GSG1L: variants seen among roughly 807,000 people sequenced by gnomAD.
GSG1L encodes germ cell-specific gene 1-like protein.
GSG1L carries 24 observed loss-of-function variants against 42.1 expected under a neutral mutation model. The observed-to-expected ratio is 0.57, with a 90% confidence interval of 0.41 to 0.80. The LOEUF (loss-of-function observed/expected upper bound fraction) is 0.80, where lower values mean the gene tolerates loss of function less well. Among genes scored for constraint, GSG1L ranks in the 30% least tolerant of loss-of-function variants. The pLI is 0.00. For missense variants in GSG1L, 445 were observed against 472.2 expected (o/e 0.94, Z 0.53); for synonymous variants, 215 against 203.5 (o/e 1.06, Z -0.48).
chr16:27,792,193 T>A (rs1030241436), intron 6 of GSG1L, among the ~76,000 whole-genome samples: 2 of 152,140 alleles, frequency 1.3e-5, no homozygotes, highest in African/African-American at 2.4e-5. Flanking sequence ...TTATATGTGT[T>A]CAGGAGCTGT....
chr16:27,910,859 C>T (rs1206993722), intron 2 of GSG1L, among the ~76,000 whole-genome samples: 2 of 151,962 alleles, frequency 1.3e-5, no homozygotes, highest in African/African-American at 4.8e-5. Context: ...ACAAAAATAC[C>T]AAAACTTGCC....
intron 2 of GSG1L, among the ~76,000 whole-genome samples, chr16:27,901,857 C>G (rs532473760): frequency 6.6e-6 from 1 of 152,372 alleles, no homozygotes; most frequent in African/African-American, 2.4e-5. Flanking sequence ...TCCCTCCACA[C>G]TCCAGCCTCA....
intron 1 of GSG1L, among the ~76,000 whole-genome samples, chr16:27,973,957 A>C (rs1007508152): frequency 2.0e-5 from 3 of 152,062 alleles, no homozygotes; most frequent in African/African-American, 7.2e-5. Flanking sequence ...ATGCCCATCA[A>C]TGTTGCCTGG....
intron 2 of GSG1L, among the ~76,000 whole-genome samples, chr16:27,932,693 A>G (rs1157705465): frequency 6.6e-6 from 1 of 152,032 alleles, no homozygotes; most frequent in African/African-American, 2.4e-5. Flanking sequence ...TCCAAACCAT[A>G]TCACCCATCC....
intron 1 of GSG1L, among the ~76,000 whole-genome samples, chr16:28,033,329 G>T (rs993627112): frequency 6.6e-6 from 1 of 152,192 alleles, no homozygotes; most frequent in African/African-American, 2.4e-5. Context: ...GATAGAGTGT[G>T]ATGTGATGCC....
At chr16:27,978,771 T>TA (rs1199738783) in intron 1 of GSG1L, among the ~76,000 whole-genome samples, 40 of 150,880 alleles carry the variant, frequency 2.7e-4, no homozygotes, top group South Asian at 6.3e-4. Context: ...TTTTTTTTTT[T>TA]AAATATATAT....
intron 2 of GSG1L, among the ~76,000 whole-genome samples, chr16:27,943,100 G>T (rs992707925): frequency 6.6e-6 from 1 of 152,018 alleles, no homozygotes; most frequent in Admixed American, 6.6e-5. Context: ...TGTCACCCAG[G>T]CTAGAGTGCA....
At chr16:27,961,206 A>C (rs2085067335) in intron 2 of GSG1L, among the ~76,000 whole-genome samples, 1 of 152,182 alleles carries the variant, frequency 6.6e-6, no homozygotes, top group African/African-American at 2.4e-5. Context: ...GCTCATCCAC[A>C]GGCATGCATG....
chr16:28,058,349 C>G (rs997319222), intron 1 of GSG1L, among the ~76,000 whole-genome samples: 2 of 152,230 alleles, frequency 1.3e-5, no homozygotes, highest in Non-Finnish European at 2.9e-5. Flanking sequence ...ACTTGTCAGG[C>G]CAGCCACAGT....
At chr16:27,798,698 G>A (rs1330121072) in intron 6 of GSG1L, among the ~76,000 whole-genome samples, 1 of 152,144 alleles carries the variant, frequency 6.6e-6, no homozygotes, top group Admixed American at 6.5e-5. Flanking sequence ...TTCCTTGCCT[G>A]TCCCACACTG....
intron 6 of GSG1L, among the ~76,000 whole-genome samples, chr16:27,801,116 A>G (rs1271927751): frequency 3.3e-5 from 5 of 152,142 alleles, no homozygotes; most frequent in Non-Finnish European, 5.9e-5. Flanking sequence ...CAAGGGTCCT[A>G]CCAAGGGAAT....
At chr16:28,046,856 G>A (rs1168930729) in intron 1 of GSG1L, among the ~76,000 whole-genome samples, 1 of 152,192 alleles carries the variant, frequency 6.6e-6, no homozygotes, top group African/African-American at 2.4e-5. Flanking sequence ...ACCTGTGGCC[G>A]ACTTCCTCTC....
chr16:28,000,275 C>T (rs2085567456), intron 1 of GSG1L, among the ~76,000 whole-genome samples: 1 of 152,186 alleles, frequency 6.6e-6, no homozygotes, highest in African/African-American at 2.4e-5. Context: ...TGAGATCAGC[C>T]TGGGCAACAT....
chr16:27,998,670 C>A (rs896781784), intron 1 of GSG1L, among the ~76,000 whole-genome samples: 2 of 152,066 alleles, frequency 1.3e-5, no homozygotes, highest in African/African-American at 4.8e-5. Flanking sequence ...ACCTCTAGTC[C>A]CAGCTACCCG....
Position 27,791,227 on chromosome 16 carries a change from A to G in GSG1L, c.*143T>C. On this transcript the variant is annotated 3_prime_UTR_variant, in exon 7 of 7. Transcript: ENST00000447459. ...CCATGGGACCCAGGCAGCGATGGGC[A>G]GGACAGGCCTGGCATCTCCCACGCA... 2.2e-6 allele frequency: 1 copy of G among 462,130 alleles called. No individual in the cohort carries two copies. Among genetic ancestry groups the G allele is most frequent in the Non-Finnish European group, 3.7e-6 (1 of 270,002 alleles). The allele number at this position is 462,130 out of a possible 1,614,324, so 28.6% of individuals were successfully genotyped here.
chr16:28,018,105 A>G (rs933041905), intron 1 of GSG1L, among the ~76,000 whole-genome samples: 1 of 152,238 alleles, frequency 6.6e-6, no homozygotes, highest in Non-Finnish European at 1.5e-5. Flanking sequence ...ACAAAATTCA[A>G]GCCTTTATCG....
At chr16:27,842,281 G>A (rs2083394427) in intron 4 of GSG1L, among the ~76,000 whole-genome samples, 1 of 152,166 alleles carries the variant, frequency 6.6e-6, no homozygotes, top group Non-Finnish European at 1.5e-5. Flanking sequence ...ACCATGTGTG[G>A]AACATCACAG....
intron 2 of GSG1L, among the ~76,000 whole-genome samples, chr16:27,907,479 C>T (rs1377029347): frequency 6.6e-6 from 1 of 152,230 alleles, no homozygotes; most frequent in Non-Finnish European, 1.5e-5. Context: ...AATGTTTGCT[C>T]ATTTCTTAGT....
At chr16:27,963,075 G>C (rs2085088427) in intron 2 of GSG1L, 81 bp downstream of exon 2, 1 of 1,199,354 alleles carries the variant, frequency 8.3e-7, no homozygotes, top group Admixed American at 1.8e-5. Context: ...TGCTATCACA[G>C]GGCTTTGGGG....
Sources: gnomAD v4.1 joint callset for allele counts (sites outside exome capture counted in the v4.1 genomes callset) on GRCh38, gnomAD v4.1.1 for gene constraint, MANE v1.5 for transcripts, NCBI Gene and HGNC (gene_info 2026-07-23, HGNC 2026-07-21) for gene names.